Variants in SLC14A2 observed in about 807,000 individuals in gnomAD.
The protein encoded by SLC14A2 is solute carrier family 14 member 2.
SLC14A2 carries 91 observed loss-of-function variants against 104.6 expected under a neutral mutation model. That is an observed-to-expected ratio of 0.87 (90% CI 0.73 to 1.04). The LOEUF is 1.04. SLC14A2 is among the 50% of genes least tolerant of loss of function. The pLI is 0.00. For missense variants in SLC14A2, 1,189 were observed against 1,156.0 expected (o/e 1.03, Z -0.41); for synonymous variants, 476 against 466.4 (o/e 1.02, Z -0.27).
At chr18:45,453,927 T>C (rs943827048) in intron 1 of SLC14A2, among the ~76,000 whole-genome samples, 4 of 143,430 alleles carry the variant, frequency 2.8e-5, no homozygotes, top group African/African-American at 5.2e-5. Context: ...TGGCATGATC[T>C]CGGCTCACTG....
intron 1 of SLC14A2, among the ~76,000 whole-genome samples, chr18:45,359,925 A>G (rs894402798): frequency 1.3e-5 from 2 of 152,186 alleles, no homozygotes; most frequent in East Asian, 3.9e-4. Flanking sequence ...CTTAGCTTGG[A>G]ATTCAAGTCT....
intron 1 of SLC14A2, among the ~76,000 whole-genome samples, chr18:45,348,541 C>T (rs561880489): frequency 1.6e-4 from 25 of 152,244 alleles, no homozygotes; most frequent in African/African-American, 5.5e-4. Flanking sequence ...TACTCATGGT[C>T]CCTACTATTC....
intron 1 of SLC14A2, among the ~76,000 whole-genome samples, chr18:45,377,718 C>T (rs186699509): frequency 2.0e-5 from 3 of 152,200 alleles, no homozygotes; most frequent in Admixed American, 1.3e-4. Context: ...ACTTCCAATC[C>T]ATCCCAAACT....
chr18:45,518,722 A>T (rs2043475808), intron 2 of SLC14A2, among the ~76,000 whole-genome samples: 1 of 152,218 alleles, frequency 6.6e-6, no homozygotes, highest in Non-Finnish European at 1.5e-5. Flanking sequence ...AAAAAGACGG[A>T]TAATCTAGGT....
chr18:45,169,983 G>A, the SLC14A2 span, among the ~76,000 whole-genome samples: 5 of 152,268 alleles, frequency 3.3e-5, no homozygotes, highest in Middle Eastern at 3.4e-3. Context: ...CAACCAAAAT[G>A]CCACCTGAGG....
At chr18:45,475,993 T>C (rs918248266) in intron 1 of SLC14A2, among the ~76,000 whole-genome samples, 1 of 152,120 alleles carries the variant, frequency 6.6e-6, no homozygotes, top group Admixed American at 6.6e-5. Flanking sequence ...AAGGTTAATA[T>C]CGTTATGTGT....
At chr18:45,575,441 A>G (rs1194767736) in intron 2 of SLC14A2, among the ~76,000 whole-genome samples, 1 of 152,184 alleles carries the variant, frequency 6.6e-6, no homozygotes, top group African/African-American at 2.4e-5. Context: ...AGCATCCTAC[A>G]GGGTTTTCAC....
rs751847772 is a variant in SLC14A2, at chr18:45,624,771, A to T, written c.107A>T (p.Asp36Val). Residue 36 changes from aspartate to valine, a missense_variant, in exon 2 of 20, where the codon GAT becomes GTT. Coordinates refer to ENST00000255226, the MANE Select transcript of SLC14A2 (RefSeq NM_007163.4). The part of the protein sequence containing the change: ...TSPSWPSTSP[D>V]THPALPLLEM... Reference sequence around the variant, plus strand: ...CCGAGCTGGCCCTCGACATCCCCGGATACTCACCCAGCTCTGCCCCTCCTG... The same window carrying T: ...CCGAGCTGGCCCTCGACATCCCCGGTTACTCACCCAGCTCTGCCCCTCCTG... 6.2e-7 allele frequency: 1 copy of T among 1,613,168 alleles called. No individual in the cohort carries two copies. The highest frequency in any genetic ancestry group is 8.5e-7 in the Non-Finnish European group (1 of 1,179,668).
intron 1 of SLC14A2, among the ~76,000 whole-genome samples, chr18:45,410,089 G>C (rs2086198175): frequency 1.3e-5 from 2 of 152,152 alleles, no homozygotes; most frequent in African/African-American, 4.8e-5. Context: ...GCCCTCCCAT[G>C]CACAGTTCAC....
rs2043069660 is a variant in SLC14A2 at position 45,495,032 on chromosome 18, C to T, written c.-35+11710C>T. Among the ~76,000 whole-genome samples, 5 of 152,050 alleles carry T rather than the reference C, an allele frequency of 3.3e-5. No homozygotes were observed. In the South Asian group the frequency reaches 1.0e-3, roughly 32 times the overall value. ...CAGGTTGTTCAGTGTCTGGCCACTG[C>T]TTTCCTCCCAGCTTCATATTTCCTC... On this transcript the variant is annotated intron_variant, in intron 2 of 20. Coordinates refer to the SLC14A2 transcript ENST00000586448.
intron 2 of SLC14A2, among the ~76,000 whole-genome samples, chr18:45,533,191 A>G (rs1376945743): frequency 6.6e-6 from 1 of 152,190 alleles, no homozygotes; most frequent in Non-Finnish European, 1.5e-5. Context: ...AAGCTTTGGT[A>G]TCAGGATGAA....
chr18:45,282,083 G>A (rs1038986264), intron 1 of SLC14A2, among the ~76,000 whole-genome samples: 7 of 152,132 alleles, frequency 4.6e-5, no homozygotes, highest in African/African-American at 1.7e-4. Flanking sequence ...GGCAGTGGGA[G>A]CCTTTGGTCA....
At chr18:45,297,114 A>C (rs2144180935) in intron 1 of SLC14A2, among the ~76,000 whole-genome samples, 1 of 152,336 alleles carries the variant, frequency 6.6e-6, no homozygotes, top group South Asian at 2.1e-4. Context: ...ATCATTGGCA[A>C]ATGAAAGAAG....
intron 2 of SLC14A2, among the ~76,000 whole-genome samples, chr18:45,597,031 A>G (rs1303039835): frequency 6.6e-6 from 1 of 152,212 alleles, no homozygotes; most frequent in East Asian, 1.9e-4. Context: ...AAGTCTCCAA[A>G]GAAGGTTGGT....
At chr18:45,389,597 A>G (rs753188746) in intron 1 of SLC14A2, among the ~76,000 whole-genome samples, 5 of 152,222 alleles carry the variant, frequency 3.3e-5, no homozygotes, top group Non-Finnish European at 7.3e-5. Context: ...ACATTTTAGG[A>G]ATTTTCTACC....
intron 1 of SLC14A2, among the ~76,000 whole-genome samples, chr18:45,440,679 G>T (rs1274770940): frequency 6.6e-6 from 1 of 152,130 alleles, no homozygotes; most frequent in Non-Finnish European, 1.5e-5. Flanking sequence ...CATGACGTTT[G>T]GAAAACTGAT....
chr18:45,244,421 G>A (rs1000997719), intron 1 of SLC14A2, among the ~76,000 whole-genome samples: 2 of 152,180 alleles, frequency 1.3e-5, no homozygotes, highest in African/African-American at 4.8e-5. Flanking sequence ...GAGGTCAGGA[G>A]TTTGAGACCA....
chr18:45,188,564 A>G, the SLC14A2 span, among the ~76,000 whole-genome samples: 1 of 152,118 alleles, frequency 6.6e-6, no homozygotes, highest in Non-Finnish European at 1.5e-5. Flanking sequence ...GCTTAACAAC[A>G]TTAGCATTGC....
the SLC14A2 span, among the ~76,000 whole-genome samples, chr18:45,198,286 T>C: frequency 6.6e-6 from 1 of 152,306 alleles, no homozygotes; most frequent in Non-Finnish European, 1.5e-5. Context: ...ATATTGTCTC[T>C]TTTTTAATAC....
Sources: allele counts gnomAD v4.1 joint callset (sites outside exome capture counted in the v4.1 genomes callset), GRCh38; gene constraint gnomAD v4.1.1; transcripts MANE v1.5; gene names NCBI Gene and HGNC (gene_info 2026-07-23, HGNC 2026-07-21).